SI: variants seen among roughly 807,000 people sequenced by gnomAD.
SI encodes sucrase-isomaltase, intestinal.
Under a neutral mutation model 253.3 loss-of-function variants are expected in SI, and 235 were observed. That is an observed-to-expected ratio of 0.93 (90% CI 0.83 to 1.03). The LOEUF is 1.03. Ranked by LOEUF, SI falls within the 50% of genes least tolerant of loss-of-function variation. SI has a pLI of 0.00. For missense variants in SI, 2,442 were observed against 2,211.1 expected, an observed-to-expected ratio of 1.10 and a Z score of -2.09; for synonymous variants, 819 against 712.0, an observed-to-expected ratio of 1.15 and a Z score of -2.39.
chr3:165,021,734 C>T (rs1711634058), intron 26 of SI, among the ~76,000 whole-genome samples: 1 of 151,478 alleles, frequency 6.6e-6, no homozygotes, highest in Non-Finnish European at 1.5e-5. Context: ...TATTTTTTGT[C>T]ATACATATTA....
intron 22 of SI, among the ~76,000 whole-genome samples, chr3:165,035,435 T>G (rs1228179762): frequency 6.6e-6 from 1 of 151,864 alleles, no homozygotes; most frequent in African/African-American, 2.4e-5. Flanking sequence ...TAAATGTAAT[T>G]TATTTAAATG....
Position 165,036,349 on chromosome 3 carries a change from A to T in SI, c.2515+40T>A, listed in dbSNP as rs1444330607. The T allele has an allele frequency of 6.5e-6, 9 of 1,379,916 alleles. No individual in the cohort carries two copies. The South Asian group carries it at 1.0e-4, about 16-fold the overall frequency. The allele number at this position is 1,379,916 out of a possible 1,614,324, so 85.5% of individuals were successfully genotyped here. ...ATCAATAAAGCCAAAACTTCCCATT[A>T]TCAGAGTGAACATTTAAAGCGTATT... On this transcript the variant is annotated intron_variant, in intron 22 of 47. Coordinates refer to ENST00000264382, the MANE Select transcript of SI (RefSeq NM_001041.4).
chr3:165,070,741 G>A lies in SI; in HGVS notation c.256-1546C>T, dbSNP rs886630381. On this transcript the variant is annotated intron_variant, in intron 3 of 47. Transcript: ENST00000264382. ...AAAATATATAGTAAAATAGGCTTAC[G>A]TTAATTTCCTGAAAATATGCCATAT... Among the ~76,000 whole-genome samples the A allele has an allele frequency of 4.1e-4, 63 of 152,084 alleles. 2 individuals are homozygous for A. The highest frequency in any genetic ancestry group is 3.2e-3 in the Admixed American group (49 of 15,236).
At chr3:165,045,509 A>G (rs1713056190) in intron 16 of SI, among the ~76,000 whole-genome samples, 1 of 151,844 alleles carries the variant, frequency 6.6e-6, no homozygotes, top group East Asian at 1.9e-4. Flanking sequence ...TATTTTATTA[A>G]AAGTTTTGAA....
At chr3:164,987,087 T>C (rs781305907) in intron 45 of SI, 51 bp downstream of exon 45, 12 of 1,292,290 alleles carry the variant, frequency 9.3e-6, no homozygotes, top group Admixed American at 1.7e-5. Context: ...GTAAAAGTAA[T>C]GTGATAGAAT....
intron 45 of SI, among the ~76,000 whole-genome samples, chr3:164,985,600 A>G (rs1352351092): frequency 6.6e-6 from 1 of 152,188 alleles, no homozygotes; most frequent in East Asian, 1.9e-4. Flanking sequence ...TAAAAGATGC[A>G]TGTCTTTGCT....
At chr3:165,052,525 G>A (rs559783942) in intron 13 of SI, among the ~76,000 whole-genome samples, 1 of 152,044 alleles carries the variant, frequency 6.6e-6, no homozygotes, top group Admixed American at 6.6e-5. Flanking sequence ...GCGTGGTGAA[G>A]TGCACCTGTA....
At chr3:165,049,004 C>G (rs772034073) in intron 15 of SI, 123 bp downstream of exon 15, 1 of 689,598 alleles carries the variant, frequency 1.5e-6, no homozygotes, top group Non-Finnish European at 2.6e-6. Context: ...TTTTAGCAGG[C>G]ATAAAATATT....
chr3:165,067,392 C>T lies in SI; in HGVS notation c.583G>A (p.Ala195Thr). 1 of 1,612,360 alleles carries T rather than the reference C, an allele frequency of 6.2e-7. No homozygotes were observed. The highest frequency in any genetic ancestry group is 8.5e-7 in the Non-Finnish European group (1 of 1,178,868). Residue 195 changes from alanine to threonine, a missense_variant, in exon 6 of 48, where the codon GCC becomes ACC. Coordinates refer to ENST00000264382, the MANE Select transcript of SI (RefSeq NM_001041.4). Reference protein sequence around the residue: ...VSDTLYDVKVAQNPFSIQVIR... With the variant: ...VSDTLYDVKVTQNPFSIQVIR... ...ACTTGGATGCTAAATGGGTTTTGGG[C>T]AACCTTCACATCATACAACGTATCA...
intron 25 of SI, among the ~76,000 whole-genome samples, chr3:165,025,723 G>T (rs1711875527): frequency 6.6e-6 from 1 of 151,396 alleles, no homozygotes; most frequent in South Asian, 2.1e-4. Context: ...CAAGACTTTT[G>T]TATCCAGAAA....
chr3:165,089,866 C>T, the SI span, among the ~76,000 whole-genome samples: 24 of 152,016 alleles, frequency 1.6e-4, no homozygotes, highest in African/African-American at 4.6e-4. Context: ...AACATTGGAG[C>T]TCACATCCTC....
At chr3:165,070,156 T>C (rs1714466472) in intron 3 of SI, among the ~76,000 whole-genome samples, 1 of 137,230 alleles carries the variant, frequency 7.3e-6, no homozygotes, top group African/African-American at 2.6e-5. Context: ...ATATTTATTA[T>C]ATATAAAATA....
intron 45 of SI, among the ~76,000 whole-genome samples, chr3:164,984,667 T>C (rs1433641899): frequency 1.3e-5 from 2 of 152,192 alleles, no homozygotes; most frequent in African/African-American, 2.4e-5. Flanking sequence ...GCTATAACTT[T>C]ATTAATCAAG....
At chr3:165,024,242 C>G (rs889192153) in intron 25 of SI, among the ~76,000 whole-genome samples, 5 of 151,192 alleles carry the variant, frequency 3.3e-5, no homozygotes, top group Non-Finnish European at 5.9e-5. Context: ...TGTTCTTATA[C>G]TGGTTAATTA....
At chr3:165,036,619 T>C (rs1030339259) in intron 21 of SI, 142 bp from the exon 22 acceptor site, 2 of 581,778 alleles carry the variant, frequency 3.4e-6, no homozygotes. Flanking sequence ...TTTGTATTTA[T>C]ATGTATTAAT....
At chr3:165,007,865 A>T in intron 36 of SI, 46 bp downstream of exon 36, 1 of 869,184 alleles carries the variant, frequency 1.2e-6, no homozygotes, top group Non-Finnish European at 1.9e-6. Context: ...CTATTAATAT[A>T]TAATAATAAC....
chr3:165,078,735 T>C (rs1032257270), upstream of SI, among the ~76,000 whole-genome samples: 3 of 151,616 alleles, frequency 2.0e-5, no homozygotes, highest in Admixed American at 6.6e-5. Context: ...AACATAAAAG[T>C]AGTTCTTTCT....
At chr3:165,090,203 A>G in the SI span, among the ~76,000 whole-genome samples, 2 of 151,508 alleles carry the variant, frequency 1.3e-5, no homozygotes, top group African/African-American at 4.8e-5. Flanking sequence ...TGTCTCTGCC[A>G]GGTGAGCATA....
At chr3:165,021,444 T>G in intron 26 of SI, 61 bp from the exon 27 acceptor site, 3 of 1,268,388 alleles carry the variant, frequency 2.4e-6, no homozygotes, top group Non-Finnish European at 2.3e-6. Flanking sequence ...GTACATATCA[T>G]GAACTAAGTT....
Sources: gnomAD v4.1 joint callset for allele counts (sites outside exome capture counted in the v4.1 genomes callset) on GRCh38, gnomAD v4.1.1 for gene constraint, MANE v1.5 for transcripts, NCBI Gene and HGNC (gene_info 2026-07-23, HGNC 2026-07-21) for gene names.